The following TENM2 variants were observed in gnomAD, a reference collection of about 807,000 sequenced individuals.
TENM2 encodes teneurin-2.
A neutral mutation model predicts 245.2 loss-of-function variants in TENM2; 52 were observed. That is an observed-to-expected ratio of 0.21 (90% CI 0.17 to 0.27). The LOEUF is 0.27. Ranked by LOEUF, TENM2 falls within the 10% of genes least tolerant of loss-of-function variation. The pLI, the probability that TENM2 is intolerant of heterozygous loss-of-function variation, is 1.00. For synonymous variants in TENM2, 1,363 were observed against 1,438.9 expected (o/e 0.95, Z 1.19); for missense variants, 3,046 against 3,666.8 (o/e 0.83, Z 4.37).
intron 3 of TENM2, among the ~76,000 whole-genome samples, chr5:167,952,123 C>T (rs1410184157): frequency 2.6e-5 from 4 of 152,132 alleles, no homozygotes; most frequent in African/African-American, 9.7e-5. Flanking sequence ...TGCCTAGTCC[C>T]TATAGGTATT....
At chr5:167,606,692 C>T (rs1394384508) in intron 2 of TENM2, among the ~76,000 whole-genome samples, 2 of 152,106 alleles carry the variant, frequency 1.3e-5, no homozygotes, top group Non-Finnish European at 2.9e-5. Context: ...GCCTAGCCCA[C>T]GAGATTTGCA....
At chr5:167,735,736 A>T (rs1327109136) in intron 2 of TENM2, among the ~76,000 whole-genome samples, 2 of 152,144 alleles carry the variant, frequency 1.3e-5, no homozygotes, top group Non-Finnish European at 2.9e-5. Context: ...AGCCTAGGAG[A>T]TGGAGGTTGC....
At chr5:167,196,548 GTA>G in the TENM2 span, among the ~76,000 whole-genome samples, 711 of 146,234 alleles carry the variant, frequency 4.9e-3, 8 homozygotes, top group Middle Eastern at 0.011. Flanking sequence ...ATATATGTGT[GTA>G]TATATATATG....
At chr5:167,380,497 C>T (rs1423276421) in intron 2 of TENM2, among the ~76,000 whole-genome samples, 1 of 152,132 alleles carries the variant, frequency 6.6e-6, no homozygotes, top group Non-Finnish European at 1.5e-5. Flanking sequence ...ACTGCACTTT[C>T]CAGATTATAA....
At chr5:167,088,307 C>T in the TENM2 span, among the ~76,000 whole-genome samples, 1 of 152,130 alleles carries the variant, frequency 6.6e-6, no homozygotes, top group African/African-American at 2.4e-5. Flanking sequence ...ACATGGAGAA[C>T]ATACAATGTC....
chr5:167,704,800 T>C lies in TENM2; in HGVS notation c.503-171186T>C, dbSNP rs186419736. Among the ~76,000 whole-genome samples, 4 of 151,772 alleles carry C rather than the reference T, an allele frequency of 2.6e-5. No homozygotes were observed. The East Asian group carries it at 8.0e-4, about 30-fold the overall frequency. ...AAATTTTTGTGCATTATCTTTAGGC[T>C]ATGGTTCTTGATGTTGAAAGAAATA... On this transcript the variant is annotated intron_variant, in intron 2 of 28. Coordinates refer to ENST00000518659, the Ensembl canonical transcript of TENM2.
chr5:167,882,866 C>A (rs575408409), intron 3 of TENM2, among the ~76,000 whole-genome samples: 1 of 152,272 alleles, frequency 6.6e-6, no homozygotes, highest in Admixed American at 6.5e-5. Context: ...ACCTCAGTTT[C>A]CCTATCTGAT....
the TENM2 span, among the ~76,000 whole-genome samples, chr5:167,055,097 C>T: frequency 2.6e-5 from 4 of 152,130 alleles, no homozygotes; most frequent in African/African-American, 4.8e-5. Flanking sequence ...AAAAAGTCAT[C>T]GCCATACTCA....
intron 1 of TENM2, chr5:167,287,359 A>T (rs1754350177): frequency 6.6e-6 from 1 of 152,212 alleles, no homozygotes; most frequent in African/African-American, 2.4e-5. Context: ...TTATTCATGA[A>T]ATCAAAGAGC....
intron 5 of TENM2, among the ~76,000 whole-genome samples, chr5:168,007,925 G>A (rs1401436008): frequency 6.6e-6 from 1 of 152,100 alleles, no homozygotes; most frequent in Non-Finnish European, 1.5e-5. Context: ...GTTGATAACC[G>A]TAATAGCGAT....
At chr5:168,044,405 G>A (rs1302933587) in intron 5 of TENM2, among the ~76,000 whole-genome samples, 1 of 152,156 alleles carries the variant, frequency 6.6e-6, no homozygotes, top group East Asian at 1.9e-4. Context: ...TCAATGATTG[G>A]CAGCAGGTGT....
intron 2 of TENM2, among the ~76,000 whole-genome samples, chr5:167,841,179 C>T (rs1769481414): frequency 6.6e-6 from 1 of 151,930 alleles, no homozygotes; most frequent in African/African-American, 2.4e-5. Context: ...GCCTCAATCT[C>T]CCAAGTAGCT....
chr5:167,939,574 A>G (rs1167777373), intron 3 of TENM2, among the ~76,000 whole-genome samples: 1 of 152,224 alleles, frequency 6.6e-6, no homozygotes, highest in Non-Finnish European at 1.5e-5. Flanking sequence ...AAGTGTTTCA[A>G]TATATAACGT....
At chr5:167,934,638 G>A (rs185414770) in intron 3 of TENM2, among the ~76,000 whole-genome samples, 2 of 152,204 alleles carry the variant, frequency 1.3e-5, no homozygotes, top group South Asian at 2.1e-4. Context: ...GAGACATGTC[G>A]AGAGCCTTTG....
At chr5:167,641,016 G>T (rs888885997) in intron 2 of TENM2, among the ~76,000 whole-genome samples, 6 of 150,224 alleles carry the variant, frequency 4.0e-5, no homozygotes, top group African/African-American at 1.5e-4. Context: ...CAGACCTGCT[G>T]AAGTGGAAAC....
chr5:167,469,607 G>A (rs1766884288), intron 2 of TENM2, among the ~76,000 whole-genome samples: 2 of 152,074 alleles, frequency 1.3e-5, no homozygotes, highest in South Asian at 4.1e-4. Context: ...GGTTTAATGA[G>A]TCATTAGCCA....
At chr5:167,568,657 G>GTGTGTGTA (rs1554182310) in intron 2 of TENM2, among the ~76,000 whole-genome samples, 5 of 150,494 alleles carry the variant, frequency 3.3e-5, no homozygotes, top group African/African-American at 9.7e-5. Flanking sequence ...GTGTGTGTGT[G>GTGTGTGTA]TGTGTGTGTG....
chr5:167,281,726 C>T (rs1156940276), upstream of TENM2, among the ~76,000 whole-genome samples: 6 of 152,164 alleles, frequency 3.9e-5, no homozygotes, highest in Admixed American at 1.3e-4. Flanking sequence ...CAGCCGGGCA[C>T]AGTGGCTCAC....
chr5:167,433,105 A>C (rs2127446337), intron 2 of TENM2, among the ~76,000 whole-genome samples: 1 of 146,412 alleles, frequency 6.8e-6, no homozygotes, highest in South Asian at 2.1e-4. Flanking sequence ...GGATTTTGGT[A>C]ATAAATATTG....
Sources: gnomAD v4.1 joint callset for allele counts (sites outside exome capture counted in the v4.1 genomes callset) on GRCh38, gnomAD v4.1.1 for gene constraint, MANE v1.5 for transcripts, NCBI Gene and HGNC (gene_info 2026-07-23, HGNC 2026-07-21) for gene names.